TLR2: variants seen among roughly 807,000 people sequenced by gnomAD.
The protein encoded by TLR2 is toll like receptor 2, also known as toll-like receptor 2.
Under a neutral mutation model 9.1 loss-of-function variants are expected in TLR2, and 7 were observed. The observed-to-expected ratio is 0.77, with a 90% CI of 0.44 to 1.44. The LOEUF (loss-of-function observed/expected upper bound fraction) is 1.44. TLR2 is among the 40% of genes most tolerant of loss of function. The probability of loss-of-function intolerance (pLI) is 0.01; values close to 1 mark genes in which losing one functional copy is unlikely to be tolerated. For synonymous variants in TLR2, 317 were observed against 344.6 expected (o/e 0.92, Z 0.89); for missense variants, 812 against 904.6 (o/e 0.90, Z 1.31).
At chr4:153,692,609 G>C (rs1271379089) in intron 2 of TLR2, among the ~76,000 whole-genome samples, 2 of 152,080 alleles carry the variant, frequency 1.3e-5, no homozygotes, top group Non-Finnish European at 2.9e-5. Context: ...TTTTTTCCTA[G>C]TCCCATACCA....
intron 2 of TLR2, among the ~76,000 whole-genome samples, chr4:153,695,938 C>T (rs992395027): frequency 6.6e-6 from 1 of 152,136 alleles, no homozygotes. Flanking sequence ...ACTGTCCTTT[C>T]TGCAATGTAT....
chr4:153,704,338 G>A lies in TLR2; in HGVS notation c.1431G>A (p.Pro477=), dbSNP rs150700268. 1.0e-4 allele frequency: 164 copies of A among 1,613,032 alleles called. No individual in the cohort carries two copies. The highest frequency in any genetic ancestry group is 2.2e-4 in the East Asian group (10 of 44,888). Residue 477 remains proline (P), a synonymous_variant, in exon 3 of 3, where the codon CCG becomes CCA. Transcript: ENST00000642700. The stretch of plus-strand genomic sequence containing the variant: ...TCAATTTATTTTCTTTGAATTTGCC[G>A]CAACTCAAAGAACTTTATATTTCCA... ...NNLNLFSLNL[P]QLKELYISRN... is the part of the protein sequence containing the mutation.
At chr4:153,688,188 G>C (rs1288228952) in intron 2 of TLR2, 141 bp downstream of exon 2, 1 of 152,186 alleles carries the variant, frequency 6.6e-6, no homozygotes, top group African/African-American at 2.4e-5. Context: ...GCTCTAGGAG[G>C]CCTCAAGTAG....
intron 2 of TLR2, among the ~76,000 whole-genome samples, chr4:153,689,203 T>A (rs980945684): frequency 4.6e-5 from 7 of 152,254 alleles, no homozygotes; most frequent in African/African-American, 1.7e-4. Context: ...GGTGCTTTTT[T>A]ATTCTTTCCT....
intron 1 of TLR2, among the ~76,000 whole-genome samples, 170 bp downstream of exon 1, chr4:153,684,530 G>A (rs1215316915): frequency 6.6e-6 from 1 of 152,218 alleles, no homozygotes; most frequent in African/African-American, 2.4e-5. Flanking sequence ...AGCGGGAAGC[G>A]CACCAGGCCC....
At chr4:153,694,120 C>T in intron 2 of TLR2, among the ~76,000 whole-genome samples, 1 of 152,208 alleles carries the variant, frequency 6.6e-6, no homozygotes, top group Non-Finnish European at 1.5e-5. Context: ...TATAGATTAA[C>T]TAAAAGTATT....
chr4:153,689,493 G>A (rs1474421185), intron 2 of TLR2, among the ~76,000 whole-genome samples: 1 of 152,212 alleles, frequency 6.6e-6, no homozygotes, highest in Non-Finnish European at 1.5e-5. Flanking sequence ...TCACTGCGCA[G>A]CACCTCTGCC....
chr4:153,700,991 G>A (rs1294967527), intron 2 of TLR2, among the ~76,000 whole-genome samples: 2 of 152,078 alleles, frequency 1.3e-5, no homozygotes, highest in African/African-American at 2.4e-5. Flanking sequence ...AGATCTAAAA[G>A]TGAAAGGCAA....
At position 153,703,531 on chromosome 4, in the gene TLR2, G is replaced by A; in HGVS notation, c.624G>A (p.Lys208=). 1 of 1,614,090 alleles carries A rather than the reference G, an allele frequency of 6.2e-7. No individual in the cohort carries two copies. The highest frequency in any genetic ancestry group is 8.5e-7 in the Non-Finnish European group (1 of 1,180,016). The part of the protein sequence containing the change: ...QNVSHLILHM[K]QHILLLEIFV... ...TAAGTCATCTGATCCTTCATATGAA[G>A]CAGCATATTTTACTGCTGGAGATTT... The change falls in exon 3 of 3, where the codon AAG becomes AAA. Residue 208 remains lysine (K), a synonymous_variant. Coordinates refer to ENST00000642700, the MANE Select transcript of TLR2 (RefSeq NM_001318789.2).
At position 153,705,433 on chromosome 4, in the gene TLR2, AC is replaced by A; in HGVS notation, c.*172del. On this transcript the variant is annotated 3_prime_UTR_variant, in exon 3 of 3. Coordinates refer to ENST00000642700, the MANE Select transcript of TLR2 (RefSeq NM_001318789.2). ...TTTTGTCTGGGGTGCTGTTTTATAA[AC>A]ATATGCCAGATTTAAAAATTGGTTT... 1.5e-6 allele frequency: 1 copy of A among 659,364 alleles called. No individual in the cohort carries two copies. Among genetic ancestry groups the A allele is most frequent in the Non-Finnish European group, 2.4e-6 (1 of 421,836 alleles). 40.8% of individuals were successfully genotyped at this position (659,364 alleles called of 1,614,324 possible).
chr4:153,691,733 G>A (rs549159535), intron 2 of TLR2, among the ~76,000 whole-genome samples: 31 of 152,270 alleles, frequency 2.0e-4, no homozygotes, highest in South Asian at 1.4e-3. Flanking sequence ...GGTCATATCC[G>A]ATTAATGTCC....
intron 2 of TLR2, among the ~76,000 whole-genome samples, chr4:153,690,273 G>C (rs1320404028): frequency 6.6e-6 from 1 of 152,194 alleles, no homozygotes; most frequent in African/African-American, 2.4e-5. Context: ...GGGGTGTCCT[G>C]TAATCCCTGT....
In TLR2 at chr4:153,703,906, A is replaced by C; in HGVS notation, c.999A>C (p.Ser333=). ...YLFYDLSTLY[S]LTERVKRITV... is the part of the protein sequence containing the mutation. ...TTTATGATCTGAGCACTTTATATTC[A>C]CTTACAGAAAGAGTTAAAAGAATCA... The change falls in exon 3 of 3, where the codon TCA becomes TCC. Residue 333 remains serine, a synonymous_variant. Coordinates refer to ENST00000642700, the MANE Select transcript of TLR2 (RefSeq NM_001318789.2). The C allele has an allele frequency of 6.2e-7, 1 of 1,613,616 alleles. No individual in the cohort carries two copies. The highest frequency in any genetic ancestry group is 8.5e-7 in the Non-Finnish European group (1 of 1,179,902).
downstream of TLR2, chr4:153,710,336 C>T: frequency 6.6e-7 from 1 of 1,506,430 alleles, no homozygotes; most frequent in Non-Finnish European, 8.9e-7. Context: ...AGGATTTCAA[C>T]CATGCAGTAT....
chr4:153,699,767 G>GAT (rs1736753473), intron 2 of TLR2, among the ~76,000 whole-genome samples: 1 of 152,146 alleles, frequency 6.6e-6, no homozygotes, highest in African/African-American at 2.4e-5. Context: ...GATGATTGGG[G>GAT]ATACAGAAAA....
rs759023240 is a variant in TLR2 at position 153,702,956 on chromosome 4, C to G, written c.49C>G (p.Leu17Val). The change falls in exon 3 of 3, where the codon CTC (leucine) becomes GTC (valine). Residue 17 changes from leucine (L) to valine (V), a missense_variant. By Grantham distance (32) the Leu-to-Val change is conservative. Coordinates refer to ENST00000642700, the MANE Select transcript of TLR2 (RefSeq NM_001318789.2). The part of the protein sequence containing the change: ...MVWVLGVIIS[L>V]SKEESSNQAS... ...GTGGGTCTTGGGGGTCATCATCAGC[C>G]TCTCCAAGGAAGAATCCTCCAATCA... 23 of 1,604,336 alleles carry G rather than the reference C, an allele frequency of 1.4e-5. No homozygotes were observed. In the African/African-American group the frequency reaches 2.3e-4, roughly 16 times the overall value.
intron 2 of TLR2, chr4:153,701,447 T>C (rs1447693055): frequency 6.6e-6 from 1 of 152,248 alleles, no homozygotes; most frequent in Non-Finnish European, 1.5e-5. Context: ...AGAGCTATAA[T>C]AAATACATTT....
At chr4:153,697,011 A>T (rs1487413477) in intron 2 of TLR2, among the ~76,000 whole-genome samples, 2 of 152,186 alleles carry the variant, frequency 1.3e-5, no homozygotes, top group Non-Finnish European at 2.9e-5. Flanking sequence ...AGGAAAAAAT[A>T]AAATAATATT....
In TLR2 at chr4:153,688,014, T is replaced by C. The variant is rs1735831981; in HGVS notation, c.-50T>C. On this transcript the variant is annotated 5_prime_UTR_variant, in exon 2 of 3. Coordinates refer to ENST00000642700, the MANE Select transcript of TLR2 (RefSeq NM_001318789.2). Reference sequence around the variant, plus strand: ...GTACCTGTGGGGCTCATTGTGCCCATTGCTCTTTCACTGCTTTCAACTGGT... The same window carrying C: ...GTACCTGTGGGGCTCATTGTGCCCACTGCTCTTTCACTGCTTTCAACTGGT... 2 of 152,228 alleles carry C rather than the reference T, an allele frequency of 1.3e-5. No individual in the cohort carries two copies. The highest frequency in any genetic ancestry group is 2.4e-5 in the African/African-American group (1 of 41,460). The allele number at this position is 152,228 out of a possible 1,614,324, so 9.4% of individuals were successfully genotyped here. A position where few individuals can be genotyped will look rare whatever the true frequency, so the allele number is the denominator to read the frequency against.
Sources: allele counts gnomAD v4.1 joint callset (sites outside exome capture counted in the v4.1 genomes callset), GRCh38; gene constraint gnomAD v4.1.1; transcripts MANE v1.5; gene names NCBI Gene and HGNC (gene_info 2026-07-23, HGNC 2026-07-21).